Variants in CDKL5 observed in about 807,000 individuals in gnomAD.
CDKL5 encodes the protein cyclin-dependent kinase-like 5.
CDKL5 carries 8 observed loss-of-function variants against 61.7 expected under a neutral mutation model. The ratio of observed to expected loss-of-function variants is 0.13; its 90% CI spans 0.08 to 0.23. The LOEUF is 0.23. CDKL5 is among the 10% of genes least tolerant of loss of function. The pLI, the probability that CDKL5 is intolerant of heterozygous loss-of-function variation, is 1.00. For missense variants in CDKL5, 440 were observed against 734.5 expected (o/e 0.60, Z 4.63); for synonymous variants, 275 against 272.3 (o/e 1.01, Z -0.10).
intron 20 of CDKL5, among the ~76,000 whole-genome samples, chrX:18,649,024 G>A (rs1311029802): frequency 1.9e-5 from 2 of 103,798 alleles, no homozygotes; most frequent in Non-Finnish European, 3.9e-5. Context: ...TTCCAGCCTG[G>A]GTGATAGACA....
chrX:18,650,836 C>T (rs1318029000), intron 21 of CDKL5, among the ~76,000 whole-genome samples: 2 of 112,305 alleles, frequency 1.8e-5, no homozygotes, highest in African/African-American at 6.5e-5. Flanking sequence ...AGTTGCTTAA[C>T]CTCTCTGGGT....
At chrX:18,449,195 T>G (rs1200783650) in intron 1 of CDKL5, among the ~76,000 whole-genome samples, 1 of 112,341 alleles carries the variant, frequency 8.9e-6, no homozygotes, top group Non-Finnish European at 1.9e-5. Context: ...CTATTTTAAC[T>G]TGCTTCAGTG....
At chrX:18,509,197 G>GCACGCACGCGCGCGCACA (rs1204561636) in intron 2 of CDKL5, among the ~76,000 whole-genome samples, 1 of 64,308 alleles carries the variant, frequency 1.6e-5, no homozygotes, top group South Asian at 1.1e-3. Flanking sequence ...CTCAAAACAC[G>GCACGCACGCGCGCGCACA]CACACACACA....
At chrX:18,445,300 A>G (rs1931849697) in intron 1 of CDKL5, among the ~76,000 whole-genome samples, 1 of 108,921 alleles carries the variant, frequency 9.2e-6, no homozygotes, top group Admixed American at 9.8e-5. Flanking sequence ...CTGGTCTCGG[A>G]CTCCTGACCT....
At chrX:18,550,482 C>A (rs1924348395) in intron 3 of CDKL5, among the ~76,000 whole-genome samples, 1 of 112,184 alleles carries the variant, frequency 8.9e-6, no homozygotes, top group African/African-American at 3.2e-5. Context: ...GCTTGAAAAG[C>A]AAGGTTAAAA....
chrX:18,468,568 A>AAC (rs1280032925), intron 1 of CDKL5, among the ~76,000 whole-genome samples: 1 of 112,463 alleles, frequency 8.9e-6, no homozygotes, highest in East Asian at 2.8e-4. Flanking sequence ...TTTATAGAAT[A>AAC]ACACCATCTT....
At chrX:18,517,870 T>C (rs1923078480) in intron 3 of CDKL5, among the ~76,000 whole-genome samples, 2 of 111,159 alleles carry the variant, frequency 1.8e-5, no homozygotes, top group Non-Finnish European at 1.9e-5. Flanking sequence ...TTGCTGGGCA[T>C]GGTGGCGGAC....
chrX:18,442,685 G>T (rs1179213490), intron 1 of CDKL5, among the ~76,000 whole-genome samples: 1 of 110,762 alleles, frequency 9.0e-6, no homozygotes, highest in Non-Finnish European at 1.9e-5. Flanking sequence ...TGGTAGAGAC[G>T]GGGTTTCACC....
intron 3 of CDKL5, among the ~76,000 whole-genome samples, chrX:18,545,605 A>G (rs1924163675): frequency 8.9e-6 from 1 of 112,524 alleles, no homozygotes; most frequent in Non-Finnish European, 1.9e-5. Context: ...TTTTTCGTTC[A>G]TTTGAAATGT....
In CDKL5 at chrX:18,631,463, T is replaced by C. The variant is rs987104295; in HGVS notation, c.*2706T>C. The C allele has an allele frequency of 9.3e-6, 7 of 751,927 alleles. No homozygotes were observed. Among genetic ancestry groups the C allele is most frequent in the Non-Finnish European group, 1.1e-5 (7 of 637,377 alleles). The allele number at this position is 751,927 out of a possible 1,213,427, so 62.0% of individuals were successfully genotyped here. The stretch of plus-strand genomic sequence containing the variant: ...GTTTTCTCTCACACCTAATGGGCCC[T>C]CTCTTAGCTTTTAACTGTTGTTTTC... On this transcript the variant is annotated 3_prime_UTR_variant, in exon 18 of 18. Transcript: ENST00000623535.
chrX:18,599,576 C>T (rs751552328), intron 11 of CDKL5, among the ~76,000 whole-genome samples: 2 of 111,504 alleles, frequency 1.8e-5, no homozygotes, highest in Non-Finnish European at 3.8e-5. Context: ...ACCTCATCCT[C>T]CTGAGTAGCT....
chrX:18,432,928 A>T (rs1256396508), intron 1 of CDKL5, among the ~76,000 whole-genome samples: 1 of 112,367 alleles, frequency 8.9e-6, no homozygotes, highest in Non-Finnish European at 1.9e-5. Context: ...AGATGTCCTT[A>T]AAAAATATCT....
At chrX:18,547,607 C>G (rs751732309) in intron 3 of CDKL5, among the ~76,000 whole-genome samples, 1 of 111,756 alleles carries the variant, frequency 8.9e-6, no homozygotes, top group African/African-American at 3.3e-5. Flanking sequence ...ACTCTTGTTT[C>G]AAGACAACAG....
chrX:18,509,219 A>G (rs1023582911), intron 2 of CDKL5, among the ~76,000 whole-genome samples: 5 of 105,549 alleles, frequency 4.7e-5, no homozygotes, highest in Admixed American at 1.1e-4. Context: ...ACACACACAC[A>G]CACACACACA....
intron 2 of CDKL5, among the ~76,000 whole-genome samples, chrX:18,507,433 C>T (rs1922619803): frequency 9.8e-6 from 1 of 102,188 alleles, no homozygotes; most frequent in African/African-American, 3.6e-5. Flanking sequence ...TTACAACAGT[C>T]TTTGCCTTCA....
intron 1 of CDKL5, among the ~76,000 whole-genome samples, chrX:18,459,470 G>A (rs1286804407): frequency 9.2e-6 from 1 of 109,221 alleles, no homozygotes; most frequent in Non-Finnish European, 1.9e-5. Context: ...GCTGAGGCAG[G>A]AGAATCTCTT....
chrX:18,456,638 A>G (rs915880921), intron 1 of CDKL5, among the ~76,000 whole-genome samples: 2 of 111,676 alleles, frequency 1.8e-5, no homozygotes, highest in African/African-American at 3.3e-5. Flanking sequence ...TTGAGAGTAG[A>G]TAGGACCTGA....
At chrX:18,474,585 G>A (rs1047885546) in intron 1 of CDKL5, among the ~76,000 whole-genome samples, 23 of 112,265 alleles carry the variant, frequency 2.0e-4, no homozygotes, top group Non-Finnish European at 3.6e-4. Flanking sequence ...AACACACCTT[G>A]TAGCAATCAG....
At chrX:18,624,246 G>A (rs1250642953) in intron 16 of CDKL5, among the ~76,000 whole-genome samples, 2 of 112,274 alleles carry the variant, frequency 1.8e-5, no homozygotes, top group African/African-American at 6.5e-5. Context: ...TGTCTGATTA[G>A]CCAGTTATGG....
Sources: allele counts gnomAD v4.1 joint callset (sites outside exome capture counted in the v4.1 genomes callset), GRCh38; gene constraint gnomAD v4.1.1; transcripts MANE v1.5; gene names NCBI Gene and HGNC (gene_info 2026-07-23, HGNC 2026-07-21).